The following LRRC7 variants were observed in gnomAD, a reference collection of about 807,000 sequenced individuals.
LRRC7 encodes leucine rich repeat containing 7.
Under a neutral mutation model 175.7 loss-of-function variants are expected in LRRC7, and 23 were observed. The ratio of observed to expected loss-of-function variants is 0.13; its 90% CI spans 0.09 to 0.19. The LOEUF (loss-of-function observed/expected upper bound fraction) is 0.19. LRRC7 is among the 10% of genes least tolerant of loss of function. The pLI, the probability that LRRC7 is intolerant of heterozygous loss-of-function variation, is 1.00. For synonymous variants in LRRC7, 685 were observed against 680.9 expected (o/e 1.01, Z -0.09); for missense variants, 1,354 against 1,904.7 (o/e 0.71, Z 5.38).
chr1:69,804,278 T>C (rs1676860064), intron 4 of LRRC7, among the ~76,000 whole-genome samples: 1 of 151,438 alleles, frequency 6.6e-6, no homozygotes, highest in Non-Finnish European at 1.5e-5. Context: ...CTTTTATTAT[T>C]AGGTATAGGC....
At chr1:69,865,035 G>A in intron 7 of LRRC7, among the ~76,000 whole-genome samples, 1 of 152,124 alleles carries the variant, frequency 6.6e-6, no homozygotes, top group East Asian at 1.9e-4. Context: ...AGCCTTTAGG[G>A]ACAGAATGAG....
chr1:69,948,807 G>A (rs1222621710), intron 8 of LRRC7, among the ~76,000 whole-genome samples: 1 of 152,164 alleles, frequency 6.6e-6, no homozygotes, highest in African/African-American at 2.4e-5. Flanking sequence ...AGACGTGGAT[G>A]AAGAATTACT....
Position 69,792,959 on chromosome 1 carries a change from A to T in LRRC7, c.421+799A>T, listed in dbSNP as rs1323182968. Among the ~76,000 whole-genome samples, 4 of 152,082 alleles carry T rather than the reference A, an allele frequency of 2.6e-5. No homozygotes were observed. The East Asian group carries it at 7.7e-4, about 29-fold the overall frequency. ...GCTCTCCCTTTTATTAGCAAGGATC[A>T]GTCAAAAAGGGTTATGTCTAGGTAC... On this transcript the variant is annotated intron_variant, in intron 4 of 26. Coordinates refer to ENST00000651989, the MANE Select transcript of LRRC7 (RefSeq NM_001370785.2).
At chr1:69,974,190 T>C (rs1652576586) in intron 8 of LRRC7, among the ~76,000 whole-genome samples, 1 of 152,206 alleles carries the variant, frequency 6.6e-6, no homozygotes, top group African/African-American at 2.4e-5. Context: ...TACATAAAAA[T>C]ATAGATAATT....
At chr1:69,952,997 CAAAAAAAA>C (rs61277479) in intron 8 of LRRC7, among the ~76,000 whole-genome samples, 13 of 56,968 alleles carry the variant, frequency 2.3e-4, no homozygotes, top group African/African-American at 6.0e-4. Context: ...AGAGACAAGG[CAAAAAAAA>C]AAAAAAAAAA....
intron 3 of LRRC7, among the ~76,000 whole-genome samples, chr1:69,778,542 G>A (rs1673076730): frequency 6.6e-6 from 1 of 152,128 alleles, no homozygotes; most frequent in African/African-American, 2.4e-5. Context: ...CTTTGCTTGG[G>A]GATCAGGGAG....
At chr1:69,964,327 C>T (rs1184704662) in intron 8 of LRRC7, among the ~76,000 whole-genome samples, 2 of 152,170 alleles carry the variant, frequency 1.3e-5, no homozygotes, top group Admixed American at 6.5e-5. Context: ...TACTGTCATT[C>T]ACCTATTACG....
intron 4 of LRRC7, among the ~76,000 whole-genome samples, chr1:69,819,575 C>CTGAGTGTG (rs1343426681): frequency 7.5e-6 from 1 of 133,254 alleles, no homozygotes; most frequent in African/African-American, 3.1e-5. Context: ...CTCTCTCTCT[C>CTGAGTGTG]TCTGTGTGTG....
intron 21 of LRRC7, among the ~76,000 whole-genome samples, chr1:70,040,157 T>C (rs142202700): frequency 6.6e-6 from 1 of 152,334 alleles, no homozygotes; most frequent in East Asian, 1.9e-4. Context: ...ATGATTTTTG[T>C]TGAACCTATA....
At position 70,128,183 on chromosome 1, in the gene LRRC7, A is replaced by G. The variant is rs535870787; in HGVS notation, c.*6296A>G. On this transcript the variant is annotated 3_prime_UTR_variant, in exon 27 of 27. Coordinates refer to ENST00000651989, the MANE Select transcript of LRRC7 (RefSeq NM_001370785.2). ...CACCGTGTTGGCCAGGCTGGTCTCG[A>G]ACACCTGGCCTCAAAAGATCCACCT... 4.7e-4 allele frequency among the ~76,000 whole-genome samples: 71 copies of G among 152,266 alleles called. No individual in the cohort carries two copies. The highest frequency in any genetic ancestry group is 1.5e-3 in the African/African-American group (64 of 41,552).
At chr1:69,686,391 A>C (rs567333771) in intron 2 of LRRC7, among the ~76,000 whole-genome samples, 16 of 152,346 alleles carry the variant, frequency 1.1e-4, no homozygotes, top group African/African-American at 3.6e-4. Context: ...GTTGAAGCAA[A>C]AACTATAATA....
chr1:69,859,227 T>C (rs1684090060), intron 7 of LRRC7, among the ~76,000 whole-genome samples: 1 of 152,158 alleles, frequency 6.6e-6, no homozygotes, highest in Non-Finnish European at 1.5e-5. Flanking sequence ...TCTGTGTATA[T>C]GAGAATCATA....
intron 4 of LRRC7, among the ~76,000 whole-genome samples, chr1:69,820,236 T>C (rs937189840): frequency 3.3e-5 from 5 of 152,130 alleles, no homozygotes; most frequent in African/African-American, 1.2e-4. Flanking sequence ...CATTATAACA[T>C]AGGCTATGTT....
At chr1:69,674,153 T>C (rs1168141356) in intron 1 of LRRC7, among the ~76,000 whole-genome samples, 1 of 152,086 alleles carries the variant, frequency 6.6e-6, no homozygotes, top group Admixed American at 6.6e-5. Flanking sequence ...TATTAAAATA[T>C]AAGTGTTAAT....
chr1:69,822,675 G>A (rs2101220670), intron 4 of LRRC7, among the ~76,000 whole-genome samples: 1 of 152,326 alleles, frequency 6.6e-6, no homozygotes, highest in East Asian at 1.9e-4. Context: ...GGGGACAATT[G>A]TGAGTTGAAG....
chr1:69,919,442 C>T (rs1049611365), intron 7 of LRRC7: 1 of 958,050 alleles, frequency 1.0e-6, no homozygotes, highest in Non-Finnish European at 1.6e-6. Flanking sequence ...AACCACATCA[C>T]TAACCCCAGC....
chr1:70,031,805 T>C (rs75666432), intron 18 of LRRC7, among the ~76,000 whole-genome samples: 2 of 142,512 alleles, frequency 1.4e-5, no homozygotes, highest in Non-Finnish European at 1.6e-5. Context: ...TTTTTTTTTT[T>C]CCTTTTTCTT....
Position 69,568,654 on chromosome 1 carries a change from C to T in LRRC7, c.2+13C>T, listed in dbSNP as rs774491026. ...TCCCGCCGGCGATGTGAGTAAGGCA[C>T]GCTCGCTCCGTGGCGGAGGGTGCTG... On this transcript the variant is annotated intron_variant, in intron 1 of 26. Coordinates refer to ENST00000651989, the MANE Select transcript of LRRC7 (RefSeq NM_001370785.2). 5.4e-5 allele frequency: 73 copies of T among 1,340,802 alleles called. No individual in the cohort carries two copies. The highest frequency in any genetic ancestry group is 1.6e-4 in the African/African-American group (10 of 63,852). 83.1% of individuals were successfully genotyped at this position (1,340,802 alleles called of 1,614,324 possible). A position where few individuals can be genotyped will look rare whatever the true frequency, so the allele number is the denominator to read the frequency against.
At chr1:69,612,711 T>C (rs781130276) in intron 1 of LRRC7, among the ~76,000 whole-genome samples, 29 of 152,098 alleles carry the variant, frequency 1.9e-4, no homozygotes, top group Non-Finnish European at 3.8e-4. Context: ...TTTACCTAAA[T>C]AAGTTCTAAT....
Sources: allele counts gnomAD v4.1 joint callset (sites outside exome capture counted in the v4.1 genomes callset), GRCh38; gene constraint gnomAD v4.1.1; transcripts MANE v1.5; gene names NCBI Gene and HGNC (gene_info 2026-07-23, HGNC 2026-07-21).